The following RPSA2 variants were observed in gnomAD, a reference collection of about 807,000 sequenced individuals.
RPSA2 encodes the protein ribosomal protein SA 2, also known as small ribosomal subunit protein uS2B.
At chr19:23,813,461 T>C in the RPSA2 span, among the ~76,000 whole-genome samples, 23 of 152,184 alleles carry the variant, frequency 1.5e-4, no homozygotes, top group South Asian at 4.8e-3. Context: ...ATAATATCTA[T>C]GATTTTACTA....
chr19:23,807,377 A>G, the RPSA2 span, among the ~76,000 whole-genome samples: 1 of 152,208 alleles, frequency 6.6e-6, no homozygotes, highest in Admixed American at 6.5e-5. Context: ...AGATCTCCTG[A>G]AAAAATAATC....
the RPSA2 span, among the ~76,000 whole-genome samples, chr19:23,852,780 C>T: frequency 6.6e-6 from 1 of 152,266 alleles, no homozygotes; most frequent in East Asian, 1.9e-4. Flanking sequence ...GGGGCTTGCT[C>T]CCAATAGTTA....
chr19:23,854,449 TG>T, the RPSA2 span, among the ~76,000 whole-genome samples: 1 of 152,168 alleles, frequency 6.6e-6, no homozygotes, highest in Admixed American at 6.5e-5. Context: ...TTGTTTGTGC[TG>T]GGGGCTGCAT....
At chr19:23,762,030 G>C in the RPSA2 span, among the ~76,000 whole-genome samples, 460 of 150,938 alleles carry the variant, frequency 3.0e-3, 1 homozygote, top group Non-Finnish European at 4.8e-3. Context: ...CAGTTCTCCT[G>C]CCTCAGCCTC....
chr19:23,826,693 A>G, the RPSA2 span, among the ~76,000 whole-genome samples: 1 of 151,938 alleles, frequency 6.6e-6, no homozygotes, highest in Admixed American at 6.6e-5. Context: ...CAGAATATAT[A>G]TATATATTTT....
chr19:23,827,740 C>G, the RPSA2 span: 1 of 1,575,300 alleles, frequency 6.3e-7, no homozygotes, highest in Non-Finnish European at 8.6e-7. Context: ...CCCGTGAACA[C>G]CCATGGGAGG....
At chr19:23,842,224 T>C in the RPSA2 span, among the ~76,000 whole-genome samples, 1 of 152,244 alleles carries the variant, frequency 6.6e-6, no homozygotes, top group Non-Finnish European at 1.5e-5. Context: ...GACTTCTCCA[T>C]GTGAGAACTG....
At chr19:23,811,528 T>C in the RPSA2 span, among the ~76,000 whole-genome samples, 1 of 150,416 alleles carries the variant, frequency 6.6e-6, no homozygotes, top group East Asian at 2.0e-4. Context: ...TTTTTTTTTT[T>C]ATCTTGTTAA....
At chr19:23,857,151 T>G in the RPSA2 span, among the ~76,000 whole-genome samples, 2 of 152,140 alleles carry the variant, frequency 1.3e-5, no homozygotes, top group African/African-American at 4.8e-5. Flanking sequence ...ATATCAATAT[T>G]CCTTGCTAGG....
the RPSA2 span, among the ~76,000 whole-genome samples, chr19:23,857,461 T>TATATTTTGA: frequency 6.6e-6 from 1 of 151,538 alleles, no homozygotes; most frequent in Admixed American, 6.6e-5. Flanking sequence ...CTTTAAAATC[T>TATATTTTGA]ATATTTTGAA....
the RPSA2 span, among the ~76,000 whole-genome samples, chr19:23,852,679 C>T: frequency 6.6e-6 from 1 of 152,180 alleles, no homozygotes; most frequent in African/African-American, 2.4e-5. Flanking sequence ...ATCCTTTCAG[C>T]TTGGGCGTTA....
chr19:23,838,879 CTT>C, the RPSA2 span, among the ~76,000 whole-genome samples: 2 of 152,022 alleles, frequency 1.3e-5, no homozygotes, highest in African/African-American at 4.8e-5. Context: ...TTTTATTTAT[CTT>C]TTCTGAGAAG....
At chr19:23,800,686 T>C in the RPSA2 span, among the ~76,000 whole-genome samples, 5 of 152,150 alleles carry the variant, frequency 3.3e-5, no homozygotes, top group African/African-American at 1.2e-4. Flanking sequence ...CAATCTCAGC[T>C]CACTGCAGCC....
At chr19:23,851,855 C>A in the RPSA2 span, among the ~76,000 whole-genome samples, 1 of 152,146 alleles carries the variant, frequency 6.6e-6, no homozygotes. Flanking sequence ...TTGTCAATAA[C>A]GCTGATAAAA....
the RPSA2 span, among the ~76,000 whole-genome samples, chr19:23,791,856 C>CA: frequency 6.6e-6 from 1 of 151,814 alleles, no homozygotes; most frequent in Non-Finnish European, 1.5e-5. Flanking sequence ...TATCCTGCCT[C>CA]AGTCTCCTGA....
chr19:23,824,756 T>G, the RPSA2 span, among the ~76,000 whole-genome samples: 3 of 151,476 alleles, frequency 2.0e-5, no homozygotes, highest in Non-Finnish European at 4.4e-5. Flanking sequence ...TCACCTTTTA[T>G]TTTGGAAATT....
At chr19:23,815,391 C>CTTGGCACCATCCTTT in the RPSA2 span, among the ~76,000 whole-genome samples, 3 of 152,114 alleles carry the variant, frequency 2.0e-5, no homozygotes, top group Admixed American at 1.3e-4. Flanking sequence ...TCATAAATAG[C>CTTGGCACCATCCTTT]TGGTAATCAA....
chr19:23,794,403 A>C, the RPSA2 span, among the ~76,000 whole-genome samples: 2 of 152,170 alleles, frequency 1.3e-5, no homozygotes, highest in Admixed American at 1.3e-4. Flanking sequence ...CTGATGTGAG[A>C]TGGCATCTTG....
At chr19:23,832,620 C>T in the RPSA2 span, 13 of 1,407,096 alleles carry the variant, frequency 9.2e-6, no homozygotes, top group African/African-American at 1.0e-4. Context: ...GTAATTCATA[C>T]TGGGAGAGAC....
Sources: gnomAD v4.1 joint callset for allele counts (sites outside exome capture counted in the v4.1 genomes callset) on GRCh38, gnomAD v4.1.1 for gene constraint, MANE v1.5 for transcripts, NCBI Gene and HGNC (gene_info 2026-07-23, HGNC 2026-07-21) for gene names.